Variants in CAB39L observed in about 807,000 individuals in gnomAD.
CAB39L encodes the protein calcium binding protein 39 like.
Under a neutral mutation model 39.1 loss-of-function variants are expected in CAB39L, and 23 were observed. That is an observed-to-expected ratio of 0.59 (90% CI 0.42 to 0.83). The LOEUF (loss-of-function observed/expected upper bound fraction) is 0.83. CAB39L is among the 40% of genes least tolerant of loss of function. The pLI is 0.00. For missense variants in CAB39L, 366 were observed against 391.9 expected (o/e 0.93, Z 0.56); for synonymous variants, 126 against 137.2 (o/e 0.92, Z 0.57).
intron 3 of CAB39L, among the ~76,000 whole-genome samples, chr13:49,423,083 A>G (rs1957193742): frequency 6.6e-6 from 1 of 152,246 alleles, no homozygotes; most frequent in South Asian, 2.1e-4. Flanking sequence ...GAGGATAAAA[A>G]GAGGAAGAAA....
chr13:49,375,061 T>C (rs953149843), intron 5 of CAB39L, among the ~76,000 whole-genome samples: 1 of 152,182 alleles, frequency 6.6e-6, no homozygotes, highest in Non-Finnish European at 1.5e-5. Context: ...CAGCTTACAC[T>C]TAACTTTAGT....
intron 3 of CAB39L, among the ~76,000 whole-genome samples, chr13:49,422,967 G>A (rs1957192407): frequency 6.6e-6 from 1 of 152,126 alleles, no homozygotes; most frequent in African/African-American, 2.4e-5. Context: ...ACTAGAAAAT[G>A]TTATTTTTAC....
intron 3 of CAB39L, among the ~76,000 whole-genome samples, chr13:49,417,240 T>C (rs1957100359): frequency 6.6e-6 from 1 of 152,368 alleles, no homozygotes; most frequent in Admixed American, 6.5e-5. Context: ...ATTTCATTAT[T>C]TGAGTATACC....
intron 3 of CAB39L, among the ~76,000 whole-genome samples, chr13:49,390,614 CA>C: frequency 6.6e-6 from 1 of 152,124 alleles, no homozygotes; most frequent in South Asian, 2.1e-4. Flanking sequence ...TTTATATAAC[CA>C]AAAGATATAC....
intron 10 of CAB39L, among the ~76,000 whole-genome samples, chr13:49,317,246 G>A (rs967552327): frequency 1.1e-4 from 17 of 152,128 alleles, no homozygotes; most frequent in African/African-American, 3.4e-4. Context: ...ACTCAACACG[G>A]AGGCTGGGTG....
chr13:49,318,951 T>C (rs1311234658), intron 10 of CAB39L, among the ~76,000 whole-genome samples: 3 of 152,004 alleles, frequency 2.0e-5, no homozygotes, highest in African/African-American at 7.2e-5. Context: ...TATTTGGCCA[T>C]TTAAAAGAAT....
At chr13:49,412,695 C>T (rs1332029946) in intron 3 of CAB39L, among the ~76,000 whole-genome samples, 1 of 151,190 alleles carries the variant, frequency 6.6e-6, no homozygotes, top group African/African-American at 2.4e-5. Flanking sequence ...AGCCATTCTT[C>T]CACGGACCTG....
At chr13:49,318,919 G>A (rs2138346091) in intron 10 of CAB39L, among the ~76,000 whole-genome samples, 1 of 152,096 alleles carries the variant, frequency 6.6e-6, no homozygotes, top group Non-Finnish European at 1.5e-5. Flanking sequence ...CAAATTTGTG[G>A]TATACCCATG....
chr13:49,439,921 G>GTTTTTTTTTTTTT (rs34993624), intron 1 of CAB39L, among the ~76,000 whole-genome samples: 74 of 78,576 alleles, frequency 9.4e-4, no homozygotes, highest in Admixed American at 1.4e-3. Flanking sequence ...TTTTTAATGG[G>GTTTTTTTTTTTTT]TTTTTTTTTT....
At position 49,441,053 on chromosome 13, in the gene CAB39L, T is replaced by G. The variant is rs116779183; in HGVS notation, c.-246+2933A>C. On this transcript the variant is annotated intron_variant, in intron 1 of 10. Coordinates refer to ENST00000409308, the MANE Select transcript of CAB39L (RefSeq NM_001079670.3). ...GTCTGAGCTCTTATTTCTGAATTTA[T>G]GTGGTTCTTTCAAAGATTTCATCTT... Among the ~76,000 whole-genome samples, 449 of 152,020 alleles carry G rather than the reference T, an allele frequency of 3.0e-3. 1 individual carries two copies. The highest frequency in any genetic ancestry group is 0.01 in the Middle Eastern group (3 of 294).
intron 3 of CAB39L, among the ~76,000 whole-genome samples, chr13:49,406,808 A>G (rs1300626194): frequency 6.6e-6 from 1 of 152,150 alleles, no homozygotes; most frequent in Non-Finnish European, 1.5e-5. Flanking sequence ...CAGTAACATA[A>G]TGATATATTT....
rs962509050 is a variant in CAB39L, at chr13:49,425,436, C to T, written c.-32+7882G>A. ...ATGTAGAAAAATACATATGTCTATA[C>T]ACACGTATATAGAGATGAGTATAAA... On this transcript the variant is annotated intron_variant, in intron 3 of 10. Transcript: ENST00000409308. Among the ~76,000 whole-genome samples the T allele has an allele frequency of 6.6e-5, 10 of 152,178 alleles. No homozygotes were observed. The South Asian group carries it at 8.3e-4, about 13-fold the overall frequency.
chr13:49,370,944 C>T (rs998025934), intron 5 of CAB39L, among the ~76,000 whole-genome samples: 1 of 152,030 alleles, frequency 6.6e-6, no homozygotes, highest in Non-Finnish European at 1.5e-5. Flanking sequence ...TATTTCCCTA[C>T]CTGAGATTGT....
rs185331687 is a variant in CAB39L, at chr13:49,392,549, G to A, written c.-31-9608C>T. 2.6e-5 allele frequency among the ~76,000 whole-genome samples: 4 copies of A among 152,248 alleles called. No homozygotes were observed. In the East Asian group the frequency reaches 7.7e-4, roughly 29 times the overall value. On this transcript the variant is annotated intron_variant, in intron 3 of 10. Transcript: ENST00000409308. ...CCAGCTACTCAGGAGGCTGAGGCAG[G>A]AGAATCACTGGAATCCGGGAGGCAG...
At chr13:49,324,323 AAAAT>A (rs1954438592) in intron 10 of CAB39L, among the ~76,000 whole-genome samples, 1 of 152,046 alleles carries the variant, frequency 6.6e-6, no homozygotes, top group Non-Finnish European at 1.5e-5. Context: ...TCTCAAATAA[AAAAT>A]AAATAAATAA....
chr13:49,378,279 C>T lies in CAB39L; in HGVS notation c.112-1148G>A, dbSNP rs1956144313. Among the ~76,000 whole-genome samples the T allele has an allele frequency of 3.4e-5, 3 of 87,792 alleles. 1 individual carries two copies. Among genetic ancestry groups the T allele is most frequent in the Admixed American group, 2.8e-4 (3 of 10,808 alleles). The allele number at this position is 87,792 out of a possible 152,430, so 57.6% of individuals were successfully genotyped here. On this transcript the variant is annotated intron_variant, in intron 4 of 10. Transcript: ENST00000409308. Reference sequence around the variant, plus strand: ...AGGGAGGTGGGGGGGGGTCAACCCCCCGCCCGGCCAGCCGCCCCATCTGGG... The same window carrying T: ...AGGGAGGTGGGGGGGGGTCAACCCCTCGCCCGGCCAGCCGCCCCATCTGGG...
chr13:49,329,864 T>C (rs1391010631), intron 10 of CAB39L, among the ~76,000 whole-genome samples: 1 of 152,048 alleles, frequency 6.6e-6, no homozygotes, highest in Non-Finnish European at 1.5e-5. Context: ...TGCAGAAGTG[T>C]TTTCCCTTAG....
intron 4 of CAB39L, among the ~76,000 whole-genome samples, chr13:49,378,616 G>A (rs1179115346): frequency 2.2e-4 from 15 of 67,486 alleles, no homozygotes; most frequent in Admixed American, 4.5e-4. Flanking sequence ...CCGGCCAGCC[G>A]CCCCGTCCGG....
At chr13:49,400,821 GGTATACT>G (rs1390230236) in intron 3 of CAB39L, among the ~76,000 whole-genome samples, 1 of 151,860 alleles carries the variant, frequency 6.6e-6, no homozygotes, top group Non-Finnish European at 1.5e-5. Flanking sequence ...CATGAAAAAA[GGTATACT>G]GTACTGCCAC....
Sources: gnomAD v4.1 joint callset for allele counts (sites outside exome capture counted in the v4.1 genomes callset) on GRCh38, gnomAD v4.1.1 for gene constraint, MANE v1.5 for transcripts, NCBI Gene and HGNC (gene_info 2026-07-23, HGNC 2026-07-21) for gene names.